DNAH6: variants seen among roughly 807,000 people sequenced by gnomAD.
The protein encoded by DNAH6 is dynein axonemal heavy chain 6.
DNAH6 carries 340 observed loss-of-function variants against 491.4 expected under a neutral mutation model. The observed-to-expected ratio is 0.69, with a 90% CI of 0.63 to 0.76. The LOEUF (loss-of-function observed/expected upper bound fraction) is 0.76, where lower values mean the gene tolerates loss of function less well. Ranked by LOEUF, DNAH6 falls within the 30% of genes least tolerant of loss-of-function variation. The probability of loss-of-function intolerance (pLI) is 0.00; values close to 1 mark genes in which losing one functional copy is unlikely to be tolerated. For synonymous variants in DNAH6, 1,603 were observed against 1,686.1 expected, an observed-to-expected ratio of 0.95 and a Z score of 1.21; for missense variants, 4,443 against 4,972.2, an observed-to-expected ratio of 0.89 and a Z score of 3.20.
intron 70 of DNAH6, among the ~76,000 whole-genome samples, chr2:84,803,025 C>T (rs1293717446): frequency 6.6e-6 from 1 of 152,046 alleles, no homozygotes; most frequent in Admixed American, 6.6e-5. Flanking sequence ...ACATAAGAGA[C>T]CCAAGACACC....
rs77942938 is a variant in DNAH6 at position 84,722,901 on chromosome 2, T to C, written c.9972+97T>C. On this transcript the variant is annotated intron_variant, in intron 60 of 76. Coordinates refer to ENST00000389394, the MANE Select transcript of DNAH6 (RefSeq NM_001370.2). ...TTCACATAAGCCATAAGTCTAGTTA[T>C]CAGGTAAAATCTCCCAGGTGCATGC... is the stretch of plus-strand genomic sequence containing the variant. 2,583 of 758,650 alleles carry C rather than the reference T, an allele frequency of 3.4e-3. 121 individuals are homozygous for C. In the East Asian group the frequency reaches 0.075, roughly 22 times the overall value. The allele number at this position is 758,650 out of a possible 1,614,324, so 47.0% of individuals were successfully genotyped here.
At position 84,694,497 on chromosome 2, in the gene DNAH6, C is replaced by G. The variant is rs1340374771; in HGVS notation, c.7524+17C>G. 1.3e-6 allele frequency: 2 copies of G among 1,527,164 alleles called. No individual in the cohort carries two copies. Among genetic ancestry groups the G allele is most frequent in the African/African-American group, 2.8e-5 (2 of 72,474 alleles). The allele number at this position is 1,527,164 out of a possible 1,614,324, so 94.6% of individuals were successfully genotyped here. A position where few individuals can be genotyped will look rare whatever the true frequency, so the allele number is the denominator to read the frequency against. ...GACACCCAGGTGTGTGTTTAAATAG[C>G]CCATGGGTGAGAACAGGAAATGTAT... On this transcript the variant is annotated intron_variant, in intron 46 of 76. Coordinates refer to ENST00000389394, the MANE Select transcript of DNAH6 (RefSeq NM_001370.2).
At chr2:84,472,886 C>T in the DNAH6 span, among the ~76,000 whole-genome samples, 1 of 152,148 alleles carries the variant, frequency 6.6e-6, no homozygotes. Flanking sequence ...AGTCACATTT[C>T]GAATTAAGGC....
chr2:84,625,430 A>T (rs1217312501), intron 29 of DNAH6, among the ~76,000 whole-genome samples: 1 of 152,216 alleles, frequency 6.6e-6, no homozygotes, highest in African/African-American at 2.4e-5. Flanking sequence ...TGTATTGAAC[A>T]TGAAATATGT....
intron 33 of DNAH6, among the ~76,000 whole-genome samples, chr2:84,649,188 A>G (rs1258434118): frequency 6.6e-6 from 1 of 152,218 alleles, no homozygotes; most frequent in Non-Finnish European, 1.5e-5. Context: ...GATTAATTTT[A>G]TATGCACTGA....
Position 84,545,654 on chromosome 2 carries a change from A to G in DNAH6, c.930+1154A>G, listed in dbSNP as rs572242831. ...CTTAAATTTAGTCCCAGCAGACTAGAAAGCTCTCATCCTTTTAAGCAAGGA... is the reference window on the plus strand; with the variant it reads ...CTTAAATTTAGTCCCAGCAGACTAGGAAGCTCTCATCCTTTTAAGCAAGGA... On this transcript the variant is annotated intron_variant, in intron 5 of 76. Coordinates refer to ENST00000389394, the MANE Select transcript of DNAH6 (RefSeq NM_001370.2). Among the ~76,000 whole-genome samples the G allele has an allele frequency of 1.2e-4, 18 of 152,276 alleles. No individual in the cohort carries two copies. In the Middle Eastern group the frequency reaches 0.01, roughly 86 times the overall value.
At chr2:84,509,254 G>C in the DNAH6 span, among the ~76,000 whole-genome samples, 7 of 152,198 alleles carry the variant, frequency 4.6e-5, no homozygotes. Flanking sequence ...GGGTGCTCCT[G>C]TATTGGGTGC....
At chr2:84,678,596 G>A (rs1310892684) in intron 41 of DNAH6, among the ~76,000 whole-genome samples, 2 of 152,082 alleles carry the variant, frequency 1.3e-5, no homozygotes, top group Admixed American at 1.3e-4. Flanking sequence ...TTTCCATTTT[G>A]TGGGTGGGAA....
intron 1 of DNAH6, 111 bp from the exon 2 acceptor site, chr2:84,517,708 G>T (rs145517897): frequency 2.6e-6 from 2 of 769,290 alleles, no homozygotes; most frequent in Non-Finnish European, 4.1e-6. Context: ...TTATTTGAGG[G>T]AAGTGAGCGA....
At chr2:84,556,093 T>C (rs956104039) in intron 10 of DNAH6, among the ~76,000 whole-genome samples, 1 of 152,234 alleles carries the variant, frequency 6.6e-6, no homozygotes, top group African/African-American at 2.4e-5. Flanking sequence ...CAAGATGTTC[T>C]GTGAGTTGTT....
the DNAH6 span, among the ~76,000 whole-genome samples, chr2:84,500,901 G>C: frequency 2.0e-5 from 3 of 152,128 alleles, no homozygotes; most frequent in Middle Eastern, 3.4e-3. Context: ...ACTGAATTTG[G>C]TTATCAGTAC....
intron 37 of DNAH6, among the ~76,000 whole-genome samples, chr2:84,668,953 A>G (rs76680237): frequency 0.022 from 3,280 of 152,196 alleles, 124 homozygotes; most frequent in African/African-American, 0.075. Context: ...CATTGAAGAC[A>G]GAGGCTGGGT....
chr2:84,793,488 G>A (rs1677990608), intron 68 of DNAH6, among the ~76,000 whole-genome samples: 1 of 151,296 alleles, frequency 6.6e-6, no homozygotes, highest in Non-Finnish European at 1.5e-5. Context: ...TGTATGTTAG[G>A]ACACCCTTCT....
chr2:84,753,401 T>A, intron 63 of DNAH6, among the ~76,000 whole-genome samples: 1 of 149,496 alleles, frequency 6.7e-6, no homozygotes, highest in East Asian at 1.9e-4. Context: ...AGTTTATCTA[T>A]TTTTTTTTCT....
intron 24 of DNAH6, among the ~76,000 whole-genome samples, chr2:84,620,412 C>T (rs1687278336): frequency 6.6e-6 from 1 of 152,188 alleles, no homozygotes; most frequent in African/African-American, 2.4e-5. Flanking sequence ...CAGCCCCTGG[C>T]ATATGGGGAA....
chr2:84,553,459 T>C (rs1679698129), intron 10 of DNAH6, among the ~76,000 whole-genome samples: 1 of 149,514 alleles, frequency 6.7e-6, no homozygotes, highest in African/African-American at 2.5e-5. Flanking sequence ...CTCTCTTTCT[T>C]TCTTTTCTTT....
chr2:84,649,068 C>T (rs1312682542), intron 33 of DNAH6, among the ~76,000 whole-genome samples: 3 of 152,196 alleles, frequency 2.0e-5, no homozygotes, highest in Admixed American at 2.0e-4. Context: ...AAGCCGATGG[C>T]TCAGATGGTC....
chr2:84,656,861 G>GT (rs934006444), intron 35 of DNAH6, among the ~76,000 whole-genome samples: 3 of 151,910 alleles, frequency 2.0e-5, no homozygotes, highest in Non-Finnish European at 2.9e-5. Context: ...CAACTTACCA[G>GT]TTTTTTCCCT....
At chr2:84,482,809 G>A in the DNAH6 span, among the ~76,000 whole-genome samples, 1 of 152,234 alleles carries the variant, frequency 6.6e-6, no homozygotes, top group Non-Finnish European at 1.5e-5. Context: ...TGAGTGTAGG[G>A]GGCCTGGGAA....
Sources: allele counts gnomAD v4.1 joint callset (sites outside exome capture counted in the v4.1 genomes callset), GRCh38; gene constraint gnomAD v4.1.1; transcripts MANE v1.5; gene names NCBI Gene and HGNC (gene_info 2026-07-23, HGNC 2026-07-21).